Variants in ADCY2 observed in about 807,000 individuals in gnomAD.
ADCY2 encodes the protein adenylate cyclase type 2.
In ADCY2, 31 loss-of-function variants were observed where a neutral mutation model predicts 125.2. The observed-to-expected ratio is 0.25, with a 90% CI of 0.19 to 0.33. The LOEUF is 0.33. Among genes scored for constraint, ADCY2 ranks in the 10% least tolerant of loss-of-function variants. ADCY2 has a pLI of 1.00. For synonymous variants in ADCY2, 512 were observed against 548.4 expected, an observed-to-expected ratio of 0.93 and a Z score of 0.93; for missense variants, 904 against 1,418.2, an observed-to-expected ratio of 0.64 and a Z score of 5.82.
rs143233928 is a variant in ADCY2, at chr5:7,760,460, G to A, written c.2094+2874G>A. On this transcript the variant is annotated intron_variant, in intron 16 of 24. Coordinates refer to ENST00000338316, the MANE Select transcript of ADCY2 (RefSeq NM_020546.3). ...ACCCTTGGGTGACTGACACATGCCCGTAAAATTAAGCCGCCTCCTGGCCCG... is the reference window on the plus strand; with the variant it reads ...ACCCTTGGGTGACTGACACATGCCCATAAAATTAAGCCGCCTCCTGGCCCG... Among the ~76,000 whole-genome samples, 1,001 of 152,304 alleles carry A rather than the reference G, an allele frequency of 6.6e-3. 4 individuals are homozygous for A. The highest frequency in any genetic ancestry group is 0.01 in the Non-Finnish European group (696 of 68,020).
At chr5:7,636,694 G>T (rs1307213847) in intron 4 of ADCY2, among the ~76,000 whole-genome samples, 1 of 152,200 alleles carries the variant, frequency 6.6e-6, no homozygotes, top group Non-Finnish European at 1.5e-5. Context: ...AGAGAGAATG[G>T]TTCAATAGAA....
In ADCY2 at chr5:7,829,623, G is replaced by A. The variant is rs1384852275; in HGVS notation, c.*2752G>A. On this transcript the variant is annotated 3_prime_UTR_variant, in exon 25 of 25. Transcript: ENST00000338316. The stretch of plus-strand genomic sequence containing the variant: ...TTACAGGAAGCCTCTCATAGAAATT[G>A]CCTCCAGTCCAGTTTCCCAAAAACC... 6.6e-6 allele frequency: 1 copy of A among 152,176 alleles called. No homozygotes were observed. The highest frequency in any genetic ancestry group is 1.9e-4 in the East Asian group (1 of 5,330). 9.4% of individuals were successfully genotyped at this position (152,176 alleles called of 1,614,324 possible). A position where few individuals can be genotyped will look rare whatever the true frequency, so the allele number is the denominator to read the frequency against.
At chr5:7,413,594 G>A (rs908357707) in intron 1 of ADCY2, among the ~76,000 whole-genome samples, 1 of 144,502 alleles carries the variant, frequency 6.9e-6, no homozygotes, top group Non-Finnish European at 1.5e-5. Context: ...CACCGCACCC[G>A]GCCGGTTTTT....
intron 2 of ADCY2, among the ~76,000 whole-genome samples, chr5:7,481,932 A>G (rs1470409629): frequency 1.3e-5 from 2 of 152,092 alleles, no homozygotes; most frequent in African/African-American, 4.8e-5. Flanking sequence ...TAGTAGTTTT[A>G]TAGTTTGAGG....
At chr5:7,444,517 C>A (rs1224386614) in intron 2 of ADCY2, among the ~76,000 whole-genome samples, 3 of 152,094 alleles carry the variant, frequency 2.0e-5, no homozygotes, top group African/African-American at 7.2e-5. Flanking sequence ...CTGCATGTTT[C>A]ATTTCACTGT....
chr5:7,475,379 T>C (rs1374901581), intron 2 of ADCY2, among the ~76,000 whole-genome samples: 1 of 151,512 alleles, frequency 6.6e-6, no homozygotes, highest in Non-Finnish European at 1.5e-5. Flanking sequence ...AGGGAGAAAC[T>C]TGAGATTTTT....
intron 2 of ADCY2, among the ~76,000 whole-genome samples, chr5:7,437,794 T>C (rs1029935014): frequency 1.3e-5 from 2 of 152,244 alleles, no homozygotes; most frequent in Non-Finnish European, 2.9e-5. Flanking sequence ...TTGAACAGTA[T>C]TTCTTGTGCA....
At chr5:7,397,672 A>T (rs1297126652) in intron 1 of ADCY2, among the ~76,000 whole-genome samples, 1 of 152,138 alleles carries the variant, frequency 6.6e-6, no homozygotes, top group East Asian at 1.9e-4. Context: ...AATGTTATGC[A>T]TGGGAAGAAT....
chr5:7,507,258 G>A (rs1472418418), intron 2 of ADCY2, among the ~76,000 whole-genome samples: 13 of 145,680 alleles, frequency 8.9e-5, no homozygotes, highest in Non-Finnish European at 1.5e-4. Flanking sequence ...CGGCTAAAAC[G>A]GTGAAACCCC....
intron 3 of ADCY2, among the ~76,000 whole-genome samples, chr5:7,568,628 C>T (rs1361977698): frequency 6.6e-6 from 1 of 152,154 alleles, no homozygotes; most frequent in African/African-American, 2.4e-5. Context: ...ACCAGATAGG[C>T]TGTTTGCTGC....
chr5:7,807,368 A>G (rs954200712), intron 22 of ADCY2, among the ~76,000 whole-genome samples: 24 of 152,184 alleles, frequency 1.6e-4, no homozygotes, highest in African/African-American at 4.8e-4. Flanking sequence ...TGCCTCACCA[A>G]TGCCATCAGG....
chr5:7,421,024 C>T (rs769057254), intron 2 of ADCY2, among the ~76,000 whole-genome samples: 2 of 152,158 alleles, frequency 1.3e-5, no homozygotes, highest in Non-Finnish European at 2.9e-5. Flanking sequence ...CTCTCCCTCT[C>T]TGTCCAGCTC....
chr5:7,471,296 T>G (rs1365455074), intron 2 of ADCY2, among the ~76,000 whole-genome samples: 1 of 151,900 alleles, frequency 6.6e-6, no homozygotes, highest in Non-Finnish European at 1.5e-5. Context: ...TGGTAGCTGT[T>G]TTCTATTTGT....
At chr5:7,440,944 G>A (rs986647230) in intron 2 of ADCY2, among the ~76,000 whole-genome samples, 3 of 152,118 alleles carry the variant, frequency 2.0e-5, no homozygotes, top group African/African-American at 4.8e-5. Flanking sequence ...CTGTCTCCAC[G>A]TTACAGGTGA....
intron 4 of ADCY2, among the ~76,000 whole-genome samples, chr5:7,663,301 T>C (rs1335073958): frequency 1.3e-5 from 2 of 152,230 alleles, no homozygotes; most frequent in African/African-American, 2.4e-5. Context: ...AAAGCATAAA[T>C]GGCCCAGTGA....
intron 20 of ADCY2, chr5:7,796,765 C>T (rs1260620976): frequency 6.6e-6 from 1 of 152,266 alleles, no homozygotes; most frequent in Non-Finnish European, 1.5e-5. Flanking sequence ...TGGGAGCCTT[C>T]TCTGTTTCGG....
At chr5:7,600,045 G>A (rs1372621250) in intron 3 of ADCY2, among the ~76,000 whole-genome samples, 1 of 152,190 alleles carries the variant, frequency 6.6e-6, no homozygotes, top group Non-Finnish European at 1.5e-5. Flanking sequence ...GTTGAAAGCA[G>A]GTTCCTGTGC....
chr5:7,511,620 G>T (rs1744063486), intron 2 of ADCY2, among the ~76,000 whole-genome samples: 1 of 151,978 alleles, frequency 6.6e-6, no homozygotes, highest in African/African-American at 2.4e-5. Flanking sequence ...AAGAAAACGA[G>T]GGGTTTTTTA....
chr5:7,558,974 T>C (rs1404073433), intron 3 of ADCY2, among the ~76,000 whole-genome samples: 1 of 152,208 alleles, frequency 6.6e-6, no homozygotes, highest in Non-Finnish European at 1.5e-5. Flanking sequence ...TTGTCAAAGA[T>C]CAGACAGTTG....
Sources: gnomAD v4.1 joint callset for allele counts (sites outside exome capture counted in the v4.1 genomes callset) on GRCh38, gnomAD v4.1.1 for gene constraint, MANE v1.5 for transcripts, NCBI Gene and HGNC (gene_info 2026-07-23, HGNC 2026-07-21) for gene names.